Variants in CCSER1 observed in about 807,000 individuals in gnomAD.
CCSER1 encodes the protein serine-rich coiled-coil domain-containing protein 1.
Under a neutral mutation model 82.0 loss-of-function variants are expected in CCSER1, and 41 were observed. That is an observed-to-expected ratio of 0.50 (90% CI 0.39 to 0.65). The LOEUF is 0.65. Ranked by LOEUF, CCSER1 falls within the 30% of genes least tolerant of loss-of-function variation. The pLI is 0.00. For synonymous variants in CCSER1, 414 were observed against 383.9 expected, an observed-to-expected ratio of 1.08 and a Z score of -0.92; for missense variants, 1,119 against 1,064.2, an observed-to-expected ratio of 1.05 and a Z score of -0.72.
In CCSER1 at chr4:91,150,655, C is replaced by A. The variant is rs548384097; in HGVS notation, c.2217+64661C>A. ...AGCTCTTATTATTTTGAGATATGTC[C>A]CATCAATACCTAATTTATTGAGAGT... On this transcript the variant is annotated intron_variant, in intron 10 of 10. Transcript: ENST00000509176. Among the ~76,000 whole-genome samples, 62 of 152,162 alleles carry A rather than the reference C, an allele frequency of 4.1e-4. 2 individuals are homozygous for A. The South Asian group carries it at 0.013, about 31-fold the overall frequency.
intron 10 of CCSER1, among the ~76,000 whole-genome samples, chr4:91,174,801 A>G (rs550392508): frequency 4.2e-5 from 6 of 142,902 alleles, no homozygotes; most frequent in Non-Finnish European, 9.1e-5. Context: ...GCCCCATGCT[A>G]GTTTTCTTTG....
At chr4:91,141,310 CCTGA>C (rs1729006912) in intron 10 of CCSER1, among the ~76,000 whole-genome samples, 1 of 152,136 alleles carries the variant, frequency 6.6e-6, no homozygotes, top group Non-Finnish European at 1.5e-5. Context: ...CCTGCCACCA[CCTGA>C]CTAATTTTTG....
At chr4:90,918,604 G>A (rs1274953688) in intron 8 of CCSER1, among the ~76,000 whole-genome samples, 1 of 149,268 alleles carries the variant, frequency 6.7e-6, no homozygotes. Context: ...TATATTTGTA[G>A]TACCTATTAT....
chr4:90,205,360 A>G (rs58062591), intron 1 of CCSER1, among the ~76,000 whole-genome samples: 7,190 of 152,220 alleles, frequency 0.047, 409 homozygotes, highest in East Asian at 0.25. Context: ...ATTTTGAGAT[A>G]GGTTCCCTCA....
chr4:90,178,882 T>G (rs377295003), intron 1 of CCSER1, among the ~76,000 whole-genome samples: 2 of 152,214 alleles, frequency 1.3e-5, no homozygotes, highest in East Asian at 1.9e-4. Flanking sequence ...GGAATTGTTT[T>G]GGTGGATGAA....
intron 10 of CCSER1, among the ~76,000 whole-genome samples, chr4:91,444,486 A>G (rs10007883): frequency 0.61 from 92,807 of 151,368 alleles, 29,469 homozygotes; most frequent in East Asian, 0.87. Context: ...GTCTCCCTCT[A>G]TCACCCAGGC....
At chr4:91,019,824 A>C (rs1343672788) in intron 9 of CCSER1, among the ~76,000 whole-genome samples, 1 of 152,164 alleles carries the variant, frequency 6.6e-6, no homozygotes, top group Non-Finnish European at 1.5e-5. Context: ...AGACAGCATA[A>C]TGGTTTTGCC....
chr4:91,238,673 T>C (rs1362122345), intron 10 of CCSER1, among the ~76,000 whole-genome samples: 1 of 152,180 alleles, frequency 6.6e-6, no homozygotes, highest in African/African-American at 2.4e-5. Context: ...ATCCAATTGG[T>C]TGGCCAGTAA....
chr4:90,401,369 A>G (rs1045569654), intron 4 of CCSER1, among the ~76,000 whole-genome samples: 5 of 152,200 alleles, frequency 3.3e-5, no homozygotes, highest in Admixed American at 6.5e-5. Context: ...CATGCATATA[A>G]TTATTCACTG....
At chr4:90,798,702 T>C (rs1258526599) in intron 7 of CCSER1, among the ~76,000 whole-genome samples, 1 of 152,204 alleles carries the variant, frequency 6.6e-6, no homozygotes, top group African/African-American at 2.4e-5. Flanking sequence ...GATTGTGACA[T>C]TACGTGGATT....
chr4:90,437,037 G>A (rs1260744711), intron 4 of CCSER1, among the ~76,000 whole-genome samples: 1 of 152,036 alleles, frequency 6.6e-6, no homozygotes, highest in South Asian at 2.1e-4. Context: ...TAGCCAGGAT[G>A]GTCTCAATCT....
intron 8 of CCSER1, among the ~76,000 whole-genome samples, chr4:90,834,204 C>T (rs992065490): frequency 6.6e-6 from 1 of 152,188 alleles, no homozygotes; most frequent in East Asian, 1.9e-4. Context: ...AAGCCTCAAG[C>T]CTATTTTCCT....
intron 8 of CCSER1, among the ~76,000 whole-genome samples, chr4:90,840,937 T>C (rs1762493504): frequency 6.6e-6 from 1 of 152,214 alleles, no homozygotes; most frequent in East Asian, 1.9e-4. Context: ...GACAGTATCA[T>C]GTATTGCATA....
chr4:91,066,095 G>T (rs1189103833), intron 9 of CCSER1, among the ~76,000 whole-genome samples: 1 of 152,144 alleles, frequency 6.6e-6, no homozygotes, highest in Non-Finnish European at 1.5e-5. Context: ...ATTGGAATGA[G>T]ATGTGCTTGA....
At chr4:91,402,570 T>C (rs1437329463) in intron 10 of CCSER1, among the ~76,000 whole-genome samples, 8 of 152,180 alleles carry the variant, frequency 5.3e-5, no homozygotes, top group Admixed American at 1.3e-4. Context: ...TTAATTTTTG[T>C]ATAAGGTGTA....
chr4:90,711,702 C>T (rs979920147), intron 6 of CCSER1, among the ~76,000 whole-genome samples: 5 of 149,880 alleles, frequency 3.3e-5, no homozygotes, highest in South Asian at 2.1e-4. Context: ...GGTGGATAAA[C>T]GTTTTGATGT....
intron 8 of CCSER1, among the ~76,000 whole-genome samples, chr4:90,857,402 T>A (rs952634011): frequency 7.9e-5 from 12 of 152,092 alleles, no homozygotes; most frequent in African/African-American, 2.9e-4. Flanking sequence ...TGGCAGCTTA[T>A]TTCCTCTAAG....
intron 7 of CCSER1, among the ~76,000 whole-genome samples, chr4:90,745,947 G>T (rs934552191): frequency 2.6e-5 from 4 of 151,578 alleles, no homozygotes; most frequent in Non-Finnish European, 4.4e-5. Flanking sequence ...TGATCTGCCC[G>T]CCTCGGCCTC....
chr4:90,717,565 T>C (rs1415461698), intron 6 of CCSER1, among the ~76,000 whole-genome samples: 1 of 151,992 alleles, frequency 6.6e-6, no homozygotes, highest in Non-Finnish European at 1.5e-5. Flanking sequence ...AATGAAGTAG[T>C]GGAATCAGCC....
Sources: allele counts gnomAD v4.1 joint callset (sites outside exome capture counted in the v4.1 genomes callset), GRCh38; gene constraint gnomAD v4.1.1; transcripts MANE v1.5; gene names NCBI Gene and HGNC (gene_info 2026-07-23, HGNC 2026-07-21).